The following TENM2 variants were observed in gnomAD, a reference collection of about 807,000 sequenced individuals.
The protein encoded by TENM2 is teneurin-2.
A neutral mutation model predicts 245.2 loss-of-function variants in TENM2; 52 were observed. The ratio of observed to expected loss-of-function variants is 0.21; its 90% CI spans 0.17 to 0.27. TENM2 has a LOEUF of 0.27. Among genes scored for constraint, TENM2 ranks in the 10% least tolerant of loss-of-function variants. TENM2 has a pLI of 1.00. For missense variants in TENM2, 3,046 were observed against 3,666.8 expected (o/e 0.83, Z 4.37); for synonymous variants, 1,363 against 1,438.9 (o/e 0.95, Z 1.19).
the TENM2 span, among the ~76,000 whole-genome samples, chr5:166,988,832 C>T: frequency 6.6e-6 from 1 of 152,176 alleles, no homozygotes; most frequent in Admixed American, 6.5e-5. Context: ...AACTCACCCC[C>T]ATCCTTGCTT....
intron 12 of TENM2, among the ~76,000 whole-genome samples, chr5:168,137,254 G>A (rs1355608201): frequency 6.6e-6 from 1 of 152,230 alleles, no homozygotes; most frequent in African/African-American, 2.4e-5. Context: ...AATGAAGTTG[G>A]TTAGAGGTTG....
chr5:167,588,972 G>T (rs1273738567), intron 2 of TENM2, among the ~76,000 whole-genome samples: 1 of 152,178 alleles, frequency 6.6e-6, no homozygotes, highest in African/African-American at 2.4e-5. Context: ...AGGCTGAGGT[G>T]GGCGGATCCC....
chr5:167,763,367 T>C (rs997128724), intron 2 of TENM2, among the ~76,000 whole-genome samples: 1 of 152,200 alleles, frequency 6.6e-6, no homozygotes, highest in African/African-American at 2.4e-5. Flanking sequence ...TCACATTAGA[T>C]TCTTTATGCT....
chr5:167,020,590 A>G, the TENM2 span, among the ~76,000 whole-genome samples: 2,336 of 152,272 alleles, frequency 0.015, 53 homozygotes, highest in African/African-American at 0.054. Flanking sequence ...AGTGTGTACC[A>G]GATGGGTTAT....
chr5:167,228,204 A>G, the TENM2 span, among the ~76,000 whole-genome samples: 1 of 151,738 alleles, frequency 6.6e-6, no homozygotes, highest in South Asian at 2.1e-4. Flanking sequence ...TAATTTTTAT[A>G]TTTTTAGTAG....
rs929056032 is a variant in TENM2 at position 167,641,170 on chromosome 5, A to G, written c.503-234816A>G. ...TAATTAATGAAGCCTTACTGTGTCC[A>G]TGCATGTTTATAGAAGTTCATTGCA... On this transcript the variant is annotated intron_variant, in intron 2 of 28. Transcript: ENST00000518659. Among the ~76,000 whole-genome samples, 4 of 152,040 alleles carry G rather than the reference A, an allele frequency of 2.6e-5. No homozygotes were observed. In the East Asian group the frequency reaches 7.8e-4, roughly 29 times the overall value.
intron 1 of TENM2, among the ~76,000 whole-genome samples, chr5:167,300,446 T>C (rs1225200880): frequency 1.3e-5 from 2 of 152,078 alleles, no homozygotes; most frequent in Non-Finnish European, 2.9e-5. Flanking sequence ...TTTAGCACCA[T>C]GGGGTGGATA....
the TENM2 span, among the ~76,000 whole-genome samples, chr5:167,039,129 A>G: frequency 2.6e-5 from 4 of 152,186 alleles, no homozygotes; most frequent in Non-Finnish European, 5.9e-5. Context: ...GAAGCATTCT[A>G]GGAAGGGAGA....
chr5:167,456,989 G>C (rs934148975), intron 2 of TENM2, among the ~76,000 whole-genome samples: 5 of 152,182 alleles, frequency 3.3e-5, no homozygotes, highest in African/African-American at 1.2e-4. Context: ...CCACTCTGCT[G>C]TTTCCAGTCG....
intron 7 of TENM2, among the ~76,000 whole-genome samples, chr5:168,078,447 G>A (rs986814091): frequency 6.6e-6 from 1 of 152,064 alleles, no homozygotes; most frequent in African/African-American, 2.4e-5. Context: ...GATCCCATTT[G>A]TCAATTTTGG....
At chr5:167,049,495 C>A in the TENM2 span, among the ~76,000 whole-genome samples, 1 of 152,154 alleles carries the variant, frequency 6.6e-6, no homozygotes, top group Non-Finnish European at 1.5e-5. Context: ...TGTCTTTAAA[C>A]CACTTTTAAA....
intron 2 of TENM2, among the ~76,000 whole-genome samples, chr5:167,685,535 G>A (rs1757017400): frequency 6.6e-6 from 1 of 152,072 alleles, no homozygotes; most frequent in Non-Finnish European, 1.5e-5. Context: ...ATATCTCAGT[G>A]GTTGATACTG....
chr5:167,579,558 C>G (rs1355120648), intron 2 of TENM2, among the ~76,000 whole-genome samples: 1 of 152,236 alleles, frequency 6.6e-6, no homozygotes, highest in African/African-American at 2.4e-5. Context: ...CAGTCGTAGC[C>G]AAGCGTTGTC....
chr5:167,566,378 C>T (rs762690418), intron 2 of TENM2, among the ~76,000 whole-genome samples: 1 of 152,144 alleles, frequency 6.6e-6, no homozygotes, highest in Non-Finnish European at 1.5e-5. Context: ...TATTTTAGTG[C>T]ATATCTCTTC....
At chr5:167,036,821 C>T in the TENM2 span, among the ~76,000 whole-genome samples, 1 of 152,122 alleles carries the variant, frequency 6.6e-6, no homozygotes, top group Non-Finnish European at 1.5e-5. Flanking sequence ...AAACATTCAC[C>T]TTCTCAAATT....
the TENM2 span, among the ~76,000 whole-genome samples, chr5:167,163,247 A>T: frequency 6.6e-6 from 1 of 152,100 alleles, no homozygotes; most frequent in Non-Finnish European, 1.5e-5. Context: ...GACTACAGGC[A>T]CATGCCACCA....
intron 2 of TENM2, among the ~76,000 whole-genome samples, chr5:167,810,281 T>C (rs1766537435): frequency 6.6e-6 from 1 of 152,116 alleles, no homozygotes; most frequent in Non-Finnish European, 1.5e-5. Flanking sequence ...TCTGAGGCGA[T>C]GGCAGCTCCC....
At chr5:167,787,393 TA>T (rs1764655504) in intron 2 of TENM2, among the ~76,000 whole-genome samples, 1 of 152,202 alleles carries the variant, frequency 6.6e-6, no homozygotes, top group Non-Finnish European at 1.5e-5. Flanking sequence ...AAAAAAATGA[TA>T]GAAAGGTCCA....
chr5:167,814,670 A>G (rs1375831449), intron 2 of TENM2, among the ~76,000 whole-genome samples: 1 of 150,816 alleles, frequency 6.6e-6, no homozygotes, highest in African/African-American at 2.4e-5. Context: ...AATATATTTT[A>G]GGAAATATAT....
Sources: allele counts gnomAD v4.1 joint callset (sites outside exome capture counted in the v4.1 genomes callset), GRCh38; gene constraint gnomAD v4.1.1; transcripts MANE v1.5; gene names NCBI Gene and HGNC (gene_info 2026-07-23, HGNC 2026-07-21).